The following CDCA7L variants were observed in gnomAD, a reference collection of about 807,000 sequenced individuals.
The protein encoded by CDCA7L is cell division cycle associated 7 like, also known as cell division cycle-associated 7-like protein.
A neutral mutation model predicts 57.4 loss-of-function variants in CDCA7L; 44 were observed. The observed-to-expected ratio is 0.77, with a 90% CI of 0.60 to 0.98. The LOEUF (loss-of-function observed/expected upper bound fraction) is 0.98. Among genes scored for constraint, CDCA7L ranks in the 50% least tolerant of loss-of-function variants. The pLI is 0.00. For synonymous variants in CDCA7L, 236 were observed against 202.8 expected (o/e 1.16, Z -1.39); for missense variants, 644 against 580.6 (o/e 1.11, Z -1.12).
intron 1 of CDCA7L, among the ~76,000 whole-genome samples, chr7:21,921,708 CTCAA>C (rs1785659656): frequency 6.6e-6 from 1 of 150,574 alleles, no homozygotes; most frequent in South Asian, 2.1e-4. Context: ...TACAAAATTT[CTCAA>C]TCAATGGATA....
At position 21,911,638 on chromosome 7, in the gene CDCA7L, T is replaced by C; in HGVS notation, c.282A>G (p.Gly94=). ...TTACCATTACTTCTGGGTTAGTCTT[T>C]CCATTCAGATCACTCTGCGTAAATC... ...FAGFTQSDLN[G]KTNPEVMVVE... The change falls in exon 3 of 10, where the codon GGA becomes GGG. Residue 94 remains glycine, a synonymous_variant. Transcript: ENST00000406877. 6.2e-7 allele frequency: 1 copy of C among 1,613,230 alleles called. No individual in the cohort carries two copies. Among genetic ancestry groups the C allele is most frequent in the Non-Finnish European group, 8.5e-7 (1 of 1,179,804 alleles).
chr7:21,905,597 A>T lies in CDCA7L; in HGVS notation c.956T>A (p.Ile319Lys). Residue 319 changes from isoleucine to lysine, a missense_variant, in exon 7 of 10, where the codon ATA (isoleucine) becomes AAA (lysine). Ile to Lys is a moderately radical substitution (Grantham distance 102). Coordinates refer to ENST00000406877, the MANE Select transcript of CDCA7L (RefSeq NM_018719.5). ...KCREYRRRHRISSFRPVEDIT... is the reference protein window; with the variant it reads ...KCREYRRRHRKSSFRPVEDIT... Reference sequence around the variant, plus strand: ...ATCCTCCACTGGCCGAAAAGAAGATATACGGTGACGTCGTCTGTACTCCCG... The same window carrying T: ...ATCCTCCACTGGCCGAAAAGAAGATTTACGGTGACGTCGTCTGTACTCCCG... 6.2e-7 allele frequency: 1 copy of T among 1,614,116 alleles called. No homozygotes were observed. Among genetic ancestry groups the T allele is most frequent in the Non-Finnish European group, 8.5e-7 (1 of 1,180,030 alleles).
Position 21,930,673 on chromosome 7 carries a change from C to T in CDCA7L, c.25-13779G>A, listed in dbSNP as rs535225949. Among the ~76,000 whole-genome samples, 221 of 137,434 alleles carry T rather than the reference C, an allele frequency of 1.6e-3. 1 individual carries two copies. The highest frequency in any genetic ancestry group is 2.8e-3 in the Non-Finnish European group (183 of 65,376). The allele number at this position is 137,434 out of a possible 152,430, so 90.2% of individuals were successfully genotyped here. On this transcript the variant is annotated intron_variant, in intron 1 of 9. Transcript: ENST00000406877. ...AGATTACGCCATTGCACTCCAGCCC[C>T]GGCAACAGTGCAAGACTCCGTCTCA...
rs948414964 is a variant in CDCA7L, at chr7:21,906,396, T to C, written c.814A>G (p.Thr272Ala). The change falls in exon 6 of 10, where the codon ACC becomes GCC. Residue 272 changes from threonine to alanine, a missense_variant. Physicochemically the swap from Thr to Ala is moderately conservative, Grantham distance 58. Transcript: ENST00000406877. Reference sequence around the variant, plus strand: ...TTCTCAGGAGGCCGCGCACTCCGGGTTGGGTTCATACGCCGCGTGATCTGT... The same window carrying C: ...TTCTCAGGAGGCCGCGCACTCCGGGCTGGGTTCATACGCCGCGTGATCTGT... ...EGQITRRMNP[T>A]RSARPPEKFA... The C allele has an allele frequency of 6.2e-7, 1 of 1,613,272 alleles. No individual in the cohort carries two copies. The highest frequency in any genetic ancestry group is 8.5e-7 in the Non-Finnish European group (1 of 1,179,554).
At chr7:21,911,796 T>A in intron 2 of CDCA7L, 42 bp from the exon 3 acceptor site, 1 of 1,583,910 alleles carries the variant, frequency 6.3e-7, no homozygotes, top group African/African-American at 1.4e-5. Flanking sequence ...GAAAGTAGAA[T>A]AGAGGTTACC....
At position 21,900,911 on chromosome 7, in the gene CDCA7L, AGAATGTT is replaced by A. The variant is rs1211641524; in HGVS notation, c.*1404_*1410del. The A allele has an allele frequency of 1.8e-5, 26 of 1,474,392 alleles. No individual in the cohort carries two copies. Among genetic ancestry groups the A allele is most frequent in the African/African-American group, 1.7e-4 (12 of 68,628 alleles). The allele number at this position is 1,474,392 out of a possible 1,614,324, so 91.3% of individuals were successfully genotyped here. ...TGACAAGCAAAAATATGACAAAACC[AGAATGTT>A]GAATGTTTATTGCATCAAACAACTT... On this transcript the variant is annotated 3_prime_UTR_variant, in exon 10 of 10. Coordinates refer to ENST00000406877, the MANE Select transcript of CDCA7L (RefSeq NM_018719.5).
chr7:21,907,586 G>C (rs1785179362), intron 4 of CDCA7L, among the ~76,000 whole-genome samples: 2 of 152,148 alleles, frequency 1.3e-5, no homozygotes, highest in South Asian at 2.1e-4. Flanking sequence ...ATTTCACCTG[G>C]TTCCATTCAT....
At chr7:21,929,321 C>T (rs531166760) in intron 1 of CDCA7L, among the ~76,000 whole-genome samples, 8 of 152,124 alleles carry the variant, frequency 5.3e-5, no homozygotes, top group East Asian at 1.9e-4. Flanking sequence ...AACATGGAAA[C>T]GAAAAACTGG....
Position 21,909,440 on chromosome 7 carries a change from T to C in CDCA7L, c.304-933A>G, listed in dbSNP as rs147087577. ...GAATGGCACCGATACGGACCCAGGA[T>C]CAGTTCAGGGACTCTGCTTCCTCCC... On this transcript the variant is annotated intron_variant, in intron 3 of 9. Transcript: ENST00000406877. Among the ~76,000 whole-genome samples, 158 of 152,092 alleles carry C rather than the reference T, an allele frequency of 1.0e-3. 1 individual carries two copies. Among genetic ancestry groups the C allele is most frequent in the African/African-American group, 3.7e-3 (153 of 41,482 alleles).
intron 2 of CDCA7L, among the ~76,000 whole-genome samples, chr7:21,916,481 A>G (rs1157910152): frequency 1.3e-5 from 2 of 150,728 alleles, no homozygotes; most frequent in African/African-American, 4.9e-5. Flanking sequence ...GGCAGCCAAG[A>G]AAATGCACTT....
chr7:21,903,286 C>T (rs1333471978), intron 8 of CDCA7L, among the ~76,000 whole-genome samples, 172 bp from the exon 9 acceptor site: 2 of 152,164 alleles, frequency 1.3e-5, no homozygotes, highest in Admixed American at 1.3e-4. Flanking sequence ...TGAATCACCC[C>T]ACGTCACATG....
intron 4 of CDCA7L, 114 bp from the exon 5 acceptor site, chr7:21,906,753 G>C: frequency 1.1e-6 from 1 of 916,572 alleles, no homozygotes. Flanking sequence ...AACTTGAATA[G>C]TTTATATAAC....
intron 3 of CDCA7L, among the ~76,000 whole-genome samples, chr7:21,911,006 ATTTTTTTTTTTTTTTTTTTTTTTTTTT>A (rs557286550): frequency 2.4e-5 from 2 of 82,530 alleles, no homozygotes; most frequent in South Asian, 4.3e-4. Context: ...TCTTGAGATA[ATTTTTTTTTTTTTTTTTTTTTTTTTTT>A]TTTTTTTTTT....
At position 21,905,047 on chromosome 7, in the gene CDCA7L, G is replaced by A. The variant is rs536693212; in HGVS notation, c.1047+459C>T. 8.6e-5 allele frequency among the ~76,000 whole-genome samples: 13 copies of A among 152,004 alleles called. No homozygotes were observed. The South Asian group carries it at 1.9e-3, about 22-fold the overall frequency. On this transcript the variant is annotated intron_variant, in intron 7 of 9. Coordinates refer to ENST00000406877, the MANE Select transcript of CDCA7L (RefSeq NM_018719.5). ...TAAATTTAAAACTTGACAGTGTCCC[G>A]TTACATATCCAGAAAAACACAAAAA... is the stretch of plus-strand genomic sequence containing the variant.
chr7:21,906,642 G>T lies in CDCA7L; in HGVS notation c.682-3C>A, dbSNP rs1785151301. ...AATTCCGCCAATAACTGGGCAAGCT[G>T]AAGTTCAGAACAAAAGAAAGAATCT... is the stretch of plus-strand genomic sequence containing the variant. On this transcript the variant is annotated splice_region_variant and splice_polypyrimidine_tract_variant and intron_variant, in intron 4 of 9. Coordinates refer to ENST00000406877, the MANE Select transcript of CDCA7L (RefSeq NM_018719.5). The T allele has an allele frequency of 6.2e-7, 1 of 1,613,550 alleles. No homozygotes were observed. The highest frequency in any genetic ancestry group is 1.3e-5 in the African/African-American group (1 of 74,888).
chr7:21,922,995 T>C (rs186276153), intron 1 of CDCA7L, among the ~76,000 whole-genome samples: 2 of 152,332 alleles, frequency 1.3e-5, no homozygotes, highest in African/African-American at 4.8e-5. Flanking sequence ...AGAATGGCAC[T>C]TGCCAGATGC....
At chr7:21,916,485 T>C (rs1358594966) in intron 2 of CDCA7L, among the ~76,000 whole-genome samples, 1 of 106,904 alleles carries the variant, frequency 9.4e-6, no homozygotes, top group Non-Finnish European at 1.8e-5. Flanking sequence ...GCCAAGAAAA[T>C]GCACTTGATC....
At chr7:21,929,631 C>CAAAAAAAAAAAAAAAAAAAAA (rs57283961) in intron 1 of CDCA7L, among the ~76,000 whole-genome samples, 2 of 35,510 alleles carry the variant, frequency 5.6e-5, no homozygotes, top group African/African-American at 3.1e-4. Context: ...AAATGGAAAG[C>CAAAAAAAAAAAAAAAAAAAAA]AAAAAAAAAA....
chr7:21,933,942 A>C (rs986213459), intron 1 of CDCA7L, among the ~76,000 whole-genome samples: 6 of 152,118 alleles, frequency 3.9e-5, no homozygotes, highest in Non-Finnish European at 8.8e-5. Context: ...CTGGTTAAAA[A>C]AAAAAAACTG....
Sources: gnomAD v4.1 joint callset for allele counts (sites outside exome capture counted in the v4.1 genomes callset) on GRCh38, gnomAD v4.1.1 for gene constraint, MANE v1.5 for transcripts, NCBI Gene and HGNC (gene_info 2026-07-23, HGNC 2026-07-21) for gene names.